The following THNSL1 variants were observed in gnomAD, a reference collection of about 807,000 sequenced individuals.
THNSL1 encodes threonine synthase-like 1.
A neutral mutation model predicts 50.4 loss-of-function variants in THNSL1; 48 were observed. The ratio of observed to expected loss-of-function variants is 0.95; its 90% confidence interval spans 0.76 to 1.21. The LOEUF (loss-of-function observed/expected upper bound fraction) is 1.21, where lower values mean the gene tolerates loss of function less well. Ranked by LOEUF, THNSL1 falls within the 50% of genes most tolerant of loss-of-function variation. The probability of loss-of-function intolerance (pLI) is 0.00; values close to 1 mark genes in which losing one functional copy is unlikely to be tolerated. For missense variants in THNSL1, 896 were observed against 871.7 expected (o/e 1.03, Z -0.35); for synonymous variants, 309 against 306.1 (o/e 1.01, Z -0.10).
chr10:25,007,584 G>A, the THNSL1 span, among the ~76,000 whole-genome samples: 10 of 151,992 alleles, frequency 6.6e-5, no homozygotes, highest in Non-Finnish European at 1.2e-4. Flanking sequence ...ACAGGCGCCC[G>A]CCACCACACC....
chr10:24,971,698 G>A, the THNSL1 span, among the ~76,000 whole-genome samples: 2 of 152,202 alleles, frequency 1.3e-5, no homozygotes, highest in African/African-American at 4.8e-5. Context: ...TTTGGTGGAA[G>A]AGCATATTCC....
At chr10:24,973,466 G>A in the THNSL1 span, among the ~76,000 whole-genome samples, 1,981 of 152,122 alleles carry the variant, frequency 0.013, 55 homozygotes, top group African/African-American at 0.046. Flanking sequence ...AAAACATATG[G>A]ATTGCTATTT....
the THNSL1 span, among the ~76,000 whole-genome samples, chr10:25,001,264 T>TTTC: frequency 4.0e-5 from 6 of 151,874 alleles, no homozygotes; most frequent in South Asian, 1.2e-3. Context: ...ACTGTCCTTT[T>TTTC]TTCTTCTTCT....
At chr10:25,010,565 G>A in the THNSL1 span, among the ~76,000 whole-genome samples, 77 of 151,608 alleles carry the variant, frequency 5.1e-4, no homozygotes, top group Admixed American at 1.7e-3. Context: ...TTTAGCATTA[G>A]GTATATCTCC....
the THNSL1 span, among the ~76,000 whole-genome samples, chr10:25,005,988 A>G: frequency 6.6e-6 from 1 of 152,220 alleles, no homozygotes; most frequent in Admixed American, 6.5e-5. Flanking sequence ...AAATCATAGT[A>G]TTTTAGATAA....
chr10:25,017,305 G>T (rs1036268356), intron 1 of THNSL1, among the ~76,000 whole-genome samples: 1 of 152,146 alleles, frequency 6.6e-6, no homozygotes, highest in Non-Finnish European at 1.5e-5. Context: ...TGGGCCTGCC[G>T]TAGGAAAGTC....
chr10:24,960,050 C>T, the THNSL1 span, among the ~76,000 whole-genome samples: 33 of 152,096 alleles, frequency 2.2e-4, no homozygotes, highest in South Asian at 6.7e-3. Flanking sequence ...CTCCATCCCC[C>T]ACCCCCTTTC....
chr10:24,978,254 A>G, the THNSL1 span, among the ~76,000 whole-genome samples: 1 of 152,200 alleles, frequency 6.6e-6, no homozygotes, highest in Admixed American at 6.5e-5. Context: ...GCTTCGCTCC[A>G]CAATTTTTAA....
upstream of THNSL1, among the ~76,000 whole-genome samples, chr10:25,011,625 A>G (rs563342789): frequency 2.3e-3 from 344 of 152,344 alleles, 1 homozygote; most frequent in Middle Eastern, 3.4e-3. Flanking sequence ...GCAACCATAA[A>G]GACCCTAGAA....
chr10:24,988,841 A>G, the THNSL1 span, among the ~76,000 whole-genome samples: 1 of 151,654 alleles, frequency 6.6e-6, no homozygotes, highest in Non-Finnish European at 1.5e-5. Context: ...TCAGGGACAT[A>G]CAACCAGATT....
chr10:24,996,434 A>G, the THNSL1 span, among the ~76,000 whole-genome samples: 1 of 122,056 alleles, frequency 8.2e-6, no homozygotes, highest in East Asian at 2.4e-4. Flanking sequence ...AAAAGATCAT[A>G]TATGTGTGTG....
chr10:24,984,799 A>G, the THNSL1 span: 20 of 1,613,554 alleles, frequency 1.2e-5, no homozygotes, highest in Non-Finnish European at 1.7e-5. Flanking sequence ...TAGTTGTTTC[A>G]TTTCTTCTTC....
the THNSL1 span, among the ~76,000 whole-genome samples, chr10:24,957,404 G>GT: frequency 1.3e-4 from 19 of 151,908 alleles, no homozygotes; most frequent in Admixed American, 1.2e-3. Flanking sequence ...TTTCCACTAT[G>GT]TTTTTTTTCT....
rs1850811795 is a variant in THNSL1 at position 25,024,818 on chromosome 10, G to T, written c.1595G>T (p.Cys532Phe). ...GGAATCCCGATTCGAAAATTTATCT[G>T]TGCCTCTAATCAGAACCATGTTTTG... is the stretch of plus-strand genomic sequence containing the variant. ...MMGIPIRKFI[C>F]ASNQNHVLTD... Residue 532 changes from cysteine (C) to phenylalanine (F), a missense_variant, in exon 3 of 3, where the codon TGT (cysteine) becomes TTT (phenylalanine). Transcript: ENST00000376356. 1 of 1,614,138 alleles carries T rather than the reference G, an allele frequency of 6.2e-7. No homozygotes were observed. The highest frequency in any genetic ancestry group is 1.7e-5 in the Admixed American group (1 of 60,022).
the THNSL1 span, among the ~76,000 whole-genome samples, chr10:24,977,743 G>T: frequency 3.9e-5 from 6 of 152,148 alleles, no homozygotes; most frequent in African/African-American, 1.4e-4. Context: ...TAATTATTAT[G>T]TATGTGTGTA....
At chr10:24,988,231 A>T in the THNSL1 span, among the ~76,000 whole-genome samples, 1 of 144,104 alleles carries the variant, frequency 6.9e-6, no homozygotes, top group Non-Finnish European at 1.5e-5. Flanking sequence ...CTCAAAAAAA[A>T]ATGTATATAT....
chr10:24,974,575 G>A, the THNSL1 span, among the ~76,000 whole-genome samples: 1 of 152,142 alleles, frequency 6.6e-6, no homozygotes, highest in African/African-American at 2.4e-5. Flanking sequence ...TTACAAAGTG[G>A]ATTATTCTGA....
At chr10:24,989,454 A>G in the THNSL1 span, among the ~76,000 whole-genome samples, 5 of 152,140 alleles carry the variant, frequency 3.3e-5, no homozygotes, top group Non-Finnish European at 5.9e-5. Context: ...ACGATCTACA[A>G]TCCTCCAGGG....
upstream of THNSL1, among the ~76,000 whole-genome samples, chr10:25,014,123 T>G (rs1224574473): frequency 6.6e-6 from 1 of 152,164 alleles, no homozygotes; most frequent in Non-Finnish European, 1.5e-5. Flanking sequence ...TTTCATCCGA[T>G]TTTGGTCACA....
Sources: gnomAD v4.1 joint callset for allele counts (sites outside exome capture counted in the v4.1 genomes callset) on GRCh38, gnomAD v4.1.1 for gene constraint, MANE v1.5 for transcripts, NCBI Gene and HGNC (gene_info 2026-07-23, HGNC 2026-07-21) for gene names.